The following EPHA6 variants were observed in gnomAD, a reference collection of about 807,000 sequenced individuals.
EPHA6 encodes EPH receptor A6.
Under a neutral mutation model 112.0 loss-of-function variants are expected in EPHA6, and 50 were observed. The ratio of observed to expected loss-of-function variants is 0.45; its 90% CI spans 0.36 to 0.56. The LOEUF is 0.56. Ranked by LOEUF, EPHA6 falls within the 20% of genes least tolerant of loss-of-function variation. EPHA6 has a pLI of 0.00. For synonymous variants in EPHA6, 529 were observed against 490.7 expected (o/e 1.08, Z -1.03); for missense variants, 1,280 against 1,417.4 (o/e 0.90, Z 1.56).
chr3:97,644,500 G>A (rs996094655), intron 14 of EPHA6, among the ~76,000 whole-genome samples: 1 of 151,928 alleles, frequency 6.6e-6, no homozygotes, highest in Non-Finnish European at 1.5e-5. Flanking sequence ...GAATCCAGGA[G>A]CTGGTTTTTT....
chr3:97,507,577 G>A (rs1379922841), intron 10 of EPHA6, among the ~76,000 whole-genome samples: 1 of 152,246 alleles, frequency 6.6e-6, no homozygotes, highest in East Asian at 1.9e-4. Flanking sequence ...GTATTTTATT[G>A]AGGATTTTTG....
At chr3:97,001,017 G>GATATATATATATATATATATATCTAT (rs57116000) in intron 3 of EPHA6, among the ~76,000 whole-genome samples, 1 of 114,538 alleles carries the variant, frequency 8.7e-6, no homozygotes, top group African/African-American at 4.2e-5. Context: ...GTCAGAAATT[G>GATATATATATATATATATATATCTAT]ATATATATAT....
At chr3:97,401,160 G>T (rs559118292) in intron 5 of EPHA6, among the ~76,000 whole-genome samples, 1 of 151,100 alleles carries the variant, frequency 6.6e-6, no homozygotes, top group Non-Finnish European at 1.5e-5. Flanking sequence ...GCTTTTTTTT[G>T]CATCTGTTGA....
intron 4 of EPHA6, among the ~76,000 whole-genome samples, chr3:97,238,068 T>A (rs967698885): frequency 4.6e-5 from 7 of 151,984 alleles, no homozygotes; most frequent in African/African-American, 1.7e-4. Flanking sequence ...AGCTACCATT[T>A]TGGAAATTTC....
intron 14 of EPHA6, among the ~76,000 whole-genome samples, chr3:97,694,249 T>G (rs546681340): frequency 1.1e-4 from 17 of 152,080 alleles, no homozygotes; most frequent in Non-Finnish European, 2.1e-4. Flanking sequence ...TCTTTTTTTT[T>G]TTTGAGATGG....
At chr3:97,110,779 T>C (rs1312618743) in intron 3 of EPHA6, among the ~76,000 whole-genome samples, 1 of 152,036 alleles carries the variant, frequency 6.6e-6, no homozygotes, top group Non-Finnish European at 1.5e-5. Flanking sequence ...TCCACCTGCC[T>C]TGGTCTCCCA....
rs1392139980 is a variant in EPHA6, at chr3:97,759,021, G to A, written c.*10320G>A. Reference sequence around the variant, plus strand: ...CTATTTAAAGTTTGGAAATCACCTAGGAAAAGCCTGTGGAGGTAGGCCTAG... The same window carrying A: ...CTATTTAAAGTTTGGAAATCACCTAAGAAAAGCCTGTGGAGGTAGGCCTAG... On this transcript the variant is annotated 3_prime_UTR_variant, in exon 18 of 18. Transcript: ENST00000389672. Among the ~76,000 whole-genome samples the A allele has an allele frequency of 9.2e-5, 14 of 151,968 alleles. No individual in the cohort carries two copies. In the South Asian group the frequency reaches 2.7e-3, roughly 29 times the overall value.
intron 6 of EPHA6, among the ~76,000 whole-genome samples, chr3:97,412,037 A>G (rs1447277424): frequency 6.6e-6 from 1 of 152,046 alleles, no homozygotes; most frequent in Non-Finnish European, 1.5e-5. Context: ...AGAAAGTCAA[A>G]GGGTGATCTT....
At chr3:97,112,823 A>C (rs925042944) in intron 3 of EPHA6, among the ~76,000 whole-genome samples, 3 of 152,124 alleles carry the variant, frequency 2.0e-5, no homozygotes, top group Admixed American at 2.0e-4. Flanking sequence ...CCATACAGCT[A>C]GTATCACTGT....
intron 2 of EPHA6, among the ~76,000 whole-genome samples, chr3:96,969,279 A>G (rs2042233458): frequency 6.6e-6 from 1 of 151,888 alleles, no homozygotes; most frequent in Non-Finnish European, 1.5e-5. Flanking sequence ...ACCAATTGTA[A>G]TTTTATTCAA....
chr3:96,888,251 G>A (rs1394744164), intron 2 of EPHA6, among the ~76,000 whole-genome samples: 1 of 152,170 alleles, frequency 6.6e-6, no homozygotes, highest in African/African-American at 2.4e-5. Context: ...CGAGCTCACA[G>A]GGCCTTTCTA....
At chr3:97,108,573 A>G (rs2047634735) in intron 3 of EPHA6, among the ~76,000 whole-genome samples, 2 of 152,302 alleles carry the variant, frequency 1.3e-5, no homozygotes, top group South Asian at 4.1e-4. Flanking sequence ...TTACAAAGTC[A>G]TGAGATCTAA....
chr3:97,231,654 G>A (rs977233080), intron 4 of EPHA6, among the ~76,000 whole-genome samples: 33 of 152,262 alleles, frequency 2.2e-4, no homozygotes, highest in Non-Finnish European at 2.5e-4. Flanking sequence ...TGCACCCAAG[G>A]AACAATGGCC....
intron 4 of EPHA6, among the ~76,000 whole-genome samples, chr3:97,240,380 A>G (rs1001599183): frequency 3.9e-5 from 6 of 151,910 alleles, no homozygotes; most frequent in Non-Finnish European, 5.9e-5. Context: ...CATTCTTGGC[A>G]GTCATTAAAT....
intron 13 of EPHA6, among the ~76,000 whole-genome samples, chr3:97,625,571 T>C (rs1170841486): frequency 1.3e-5 from 2 of 151,688 alleles, no homozygotes; most frequent in East Asian, 3.9e-4. Context: ...AAGTCCTTTA[T>C]ATTCTTATCT....
chr3:97,607,307 G>T (rs369967469), intron 12 of EPHA6, among the ~76,000 whole-genome samples: 4 of 150,796 alleles, frequency 2.7e-5, no homozygotes, highest in Admixed American at 6.6e-5. Flanking sequence ...GTAGTCTTAT[G>T]ATTATATAGT....
intron 11 of EPHA6, among the ~76,000 whole-genome samples, chr3:97,535,532 G>T (rs1445454998): frequency 1.3e-5 from 2 of 152,064 alleles, no homozygotes; most frequent in Non-Finnish European, 2.9e-5. Flanking sequence ...TTATCATCTT[G>T]ACTCAAGTGC....
At chr3:97,050,621 A>G (rs561824794) in intron 3 of EPHA6, among the ~76,000 whole-genome samples, 5 of 152,322 alleles carry the variant, frequency 3.3e-5, no homozygotes, top group South Asian at 4.1e-4. Context: ...AGGTAAGGAA[A>G]TAGAGTTCAT....
chr3:97,040,441 GAAAC>G lies in EPHA6; in HGVS notation c.1114+52456_1114+52459del, dbSNP rs775546297. 2.1e-4 allele frequency among the ~76,000 whole-genome samples: 32 copies of G among 152,070 alleles called. 1 individual carries two copies. The highest frequency in any genetic ancestry group is 7.7e-4 in the African/African-American group (32 of 41,524). ...ATATCAAAATCGGTTTTAAAAGTGA[GAAAC>G]AAACAAAAGATAATAGATCTTTATT... On this transcript the variant is annotated intron_variant, in intron 3 of 17. Transcript: ENST00000389672.
Sources: gnomAD v4.1 joint callset for allele counts (sites outside exome capture counted in the v4.1 genomes callset) on GRCh38, gnomAD v4.1.1 for gene constraint, MANE v1.5 for transcripts, NCBI Gene and HGNC (gene_info 2026-07-23, HGNC 2026-07-21) for gene names.